DBF4B: variants seen among roughly 807,000 people sequenced by gnomAD.
DBF4B encodes DBF4B-CDC7 kinase regulatory subunit, also known as protein DBF4 homolog B.
A neutral mutation model predicts 53.4 loss-of-function variants in DBF4B; 49 were observed. The ratio of observed to expected loss-of-function variants is 0.92; its 90% CI spans 0.73 to 1.16. The LOEUF (loss-of-function observed/expected upper bound fraction) is 1.16. Ranked by LOEUF, DBF4B falls within the 50% of genes most tolerant of loss-of-function variation. The probability of loss-of-function intolerance (pLI) is 0.00; values close to 1 mark genes in which losing one functional copy is unlikely to be tolerated. For synonymous variants in DBF4B, 257 were observed against 288.7 expected (o/e 0.89, Z 1.11); for missense variants, 692 against 775.0 (o/e 0.89, Z 1.27).
In DBF4B at chr17:44,751,661, T is replaced by G. The variant is rs959146155; in HGVS notation, c.*408T>G. On this transcript the variant is annotated 3_prime_UTR_variant, in exon 14 of 14. Coordinates refer to ENST00000315005, the MANE Select transcript of DBF4B (RefSeq NM_145663.3). Reference sequence around the variant, plus strand: ...TTCAAATACTTGAAGGCTCCCACCTTCTGTTCTCTGGCTCCTTCCTGCGGT... The same window carrying G: ...TTCAAATACTTGAAGGCTCCCACCTGCTGTTCTCTGGCTCCTTCCTGCGGT... The G allele has an allele frequency of 1.1e-5, 15 of 1,392,728 alleles. No homozygotes were observed. The African/African-American group carries it at 2.0e-4, about 19-fold the overall frequency. The allele number at this position is 1,392,728 out of a possible 1,614,324, so 86.3% of individuals were successfully genotyped here. A position where few individuals can be genotyped will look rare whatever the true frequency, so the allele number is the denominator to read the frequency against.
intron 2 of DBF4B, among the ~76,000 whole-genome samples, chr17:44,713,560 G>T (rs909012004): frequency 6.6e-6 from 1 of 151,978 alleles, no homozygotes; most frequent in Non-Finnish European, 1.5e-5. Context: ...TGAGGCAGGA[G>T]AATCACTTGA....
At chr17:44,729,181 A>T (rs1020025967) in intron 3 of DBF4B, among the ~76,000 whole-genome samples, 13 of 152,036 alleles carry the variant, frequency 8.6e-5, no homozygotes, top group Non-Finnish European at 2.9e-5. Flanking sequence ...AGTGTATATA[A>T]CATAAAATAA....
chr17:44,738,194 C>T (rs1975644120), intron 8 of DBF4B, among the ~76,000 whole-genome samples, 185 bp from the exon 9 acceptor site: 1 of 152,274 alleles, frequency 6.6e-6, no homozygotes, highest in Non-Finnish European at 1.5e-5. Context: ...TGCAACCTTT[C>T]TCCCAGGGGT....
At position 44,726,292 on chromosome 17, in the gene DBF4B, T is replaced by TTTTATGTATTTATTTATTTA. The variant is rs1555676225; in HGVS notation, c.225+3275_225+3276insGTATTTATTTATTTATTTAT. Among the ~76,000 whole-genome samples the TTTTATGTATTTATTTATTTA allele has an allele frequency of 3.0e-5, 4 of 132,090 alleles. No individual in the cohort carries two copies. The South Asian group carries it at 1.0e-3, about 33-fold the overall frequency. 86.7% of individuals were successfully genotyped at this position (132,090 alleles called of 152,430 possible). Reference sequence around the variant, plus strand: ...GTGTGAGCCATCGCACCCGGCCCTTTTTTATTTATTTATTTATTTATTTAT... The same window carrying TTTTATGTATTTATTTATTTA: ...GTGTGAGCCATCGCACCCGGCCCTTTTTTATGTATTTATTTATTTATTTATTTATTTATTTATTTATTTAT... On this transcript the variant is annotated intron_variant, in intron 3 of 13. Transcript: ENST00000315005.
chr17:44,735,123 G>A (rs1442798784), intron 7 of DBF4B, among the ~76,000 whole-genome samples: 1 of 152,068 alleles, frequency 6.6e-6, no homozygotes, highest in Non-Finnish European at 1.5e-5. Context: ...AATAGTGGAT[G>A]GAGCATTCAG....
chr17:44,743,010 A>G lies in DBF4B; in HGVS notation c.830+1558A>G, dbSNP rs556151996. Reference sequence around the variant, plus strand: ...CAAAGGCTGTGGGTAAGAAAATAGTACAAATAGGAGGGAAAAAATTAAGGG... The same window carrying G: ...CAAAGGCTGTGGGTAAGAAAATAGTGCAAATAGGAGGGAAAAAATTAAGGG... On this transcript the variant is annotated intron_variant, in intron 10 of 13. Transcript: ENST00000315005. Among the ~76,000 whole-genome samples the G allele has an allele frequency of 2.3e-4, 35 of 152,340 alleles. No individual in the cohort carries two copies. The South Asian group carries it at 5.0e-3, about 22-fold the overall frequency.
chr17:44,744,442 T>C (rs1181226728), intron 10 of DBF4B, among the ~76,000 whole-genome samples: 4 of 152,150 alleles, frequency 2.6e-5, no homozygotes, highest in African/African-American at 9.6e-5. Context: ...TTCCCTTTTA[T>C]GGCTGCAGGG....
chr17:44,719,297 A>G (rs1292701972), intron 2 of DBF4B, among the ~76,000 whole-genome samples: 1 of 151,960 alleles, frequency 6.6e-6, no homozygotes, highest in East Asian at 1.9e-4. Flanking sequence ...TTTTTGAGTT[A>G]TAGTTCACAC....
chr17:44,733,463 C>T (rs1975041936), intron 6 of DBF4B, among the ~76,000 whole-genome samples: 1 of 152,250 alleles, frequency 6.6e-6, no homozygotes, highest in South Asian at 2.1e-4. Context: ...GGTTTCATAC[C>T]CAGCTCCATT....
chr17:44,750,871 CTG>C lies in DBF4B; in HGVS notation c.1468_1469del (p.Val490Ter). On this transcript the variant is annotated frameshift_variant, in exon 14 of 14. Transcript: ENST00000315005. LOFTEE classifies it low-confidence loss of function (END_TRUNC). ...AACTCCTTTGCCCCGGCGGACATTCCTGTTAAGGGCCCACTCCTCTTCCCTGA... is the reference window on the plus strand; with the variant it reads ...AACTCCTTTGCCCCGGCGGACATTCCTTAAGGGCCCACTCCTCTTCCCTGA... 6.2e-7 allele frequency: 1 copy of C among 1,614,220 alleles called. No individual in the cohort carries two copies.
intron 6 of DBF4B, among the ~76,000 whole-genome samples, chr17:44,733,164 C>CAAAA (rs34958647): frequency 2.9e-5 from 3 of 105,002 alleles, no homozygotes; most frequent in African/African-American, 6.9e-5. Flanking sequence ...GACTCCGTCT[C>CAAAA]AAAAAAAAAA....
At chr17:44,712,919 A>T (rs1568157243) in intron 2 of DBF4B, among the ~76,000 whole-genome samples, 1 of 149,812 alleles carries the variant, frequency 6.7e-6, no homozygotes, top group East Asian at 2.0e-4. Context: ...GACAATAAAG[A>T]TTTTTTCTGT....
chr17:44,719,011 GACTAGAGTGC>G (rs1973587415), intron 2 of DBF4B: 1 of 149,814 alleles, frequency 6.7e-6, no homozygotes, highest in Non-Finnish European at 1.5e-5. Flanking sequence ...TCTGTTGCCA[GACTAGAGTGC>G]AGTGGCGCGA....
At chr17:44,730,651 C>T (rs1206268410) in intron 4 of DBF4B, among the ~76,000 whole-genome samples, 3 of 152,176 alleles carry the variant, frequency 2.0e-5, no homozygotes, top group African/African-American at 4.8e-5. Flanking sequence ...CTTTCATTAT[C>T]TCCTGGAGGG....
At chr17:44,745,919 C>T (rs1341608624) in intron 10 of DBF4B, among the ~76,000 whole-genome samples, 5 of 151,932 alleles carry the variant, frequency 3.3e-5, no homozygotes, top group African/African-American at 1.2e-4. Context: ...GATAAGAATT[C>T]AGGCTTGGCC....
intron 5 of DBF4B, chr17:44,731,823 T>C (rs1434496717): frequency 4.8e-6 from 1 of 207,724 alleles, no homozygotes; most frequent in African/African-American, 2.3e-5. Flanking sequence ...TCAGTGAGGA[T>C]GATGGTCACC....
At position 44,751,806 on chromosome 17, in the gene DBF4B, A is replaced by G; in HGVS notation, c.*553A>G. The G allele has an allele frequency of 2.6e-6, 4 of 1,528,066 alleles. No individual in the cohort carries two copies. Among genetic ancestry groups the G allele is most frequent in the Non-Finnish European group, 3.5e-6 (4 of 1,142,180 alleles). The allele number at this position is 1,528,066 out of a possible 1,614,324, so 94.7% of individuals were successfully genotyped here. On this transcript the variant is annotated 3_prime_UTR_variant, in exon 14 of 14. Transcript: ENST00000315005. ...GGTCATGGACAGGCTACTGGTGACC[A>G]AAGTTGGTTCCTTTTCTCCTTTCTT...
At position 44,708,729 on chromosome 17, in the gene DBF4B, C is replaced by T; in HGVS notation, c.-92C>T. ...TGTAGCTGCCCTGAGATAACCAGGA[C>T]TGTGGAATCGGGAAGAGCTCATGGA... On this transcript the variant is annotated 5_prime_UTR_variant, in exon 1 of 14. Coordinates refer to ENST00000315005, the MANE Select transcript of DBF4B (RefSeq NM_145663.3). 6.8e-7 allele frequency: 1 copy of T among 1,465,170 alleles called. No homozygotes were observed. Among genetic ancestry groups the T allele is most frequent in the Non-Finnish European group, 9.2e-7 (1 of 1,082,138 alleles). The allele number at this position is 1,465,170 out of a possible 1,614,324, so 90.8% of individuals were successfully genotyped here. A position where few individuals can be genotyped will look rare whatever the true frequency, so the allele number is the denominator to read the frequency against.
Position 44,751,769 on chromosome 17 carries a change from C to A in DBF4B, c.*516C>A. The stretch of plus-strand genomic sequence containing the variant: ...TCTGCCTGAAGCATTCCACTAAGAT[C>A]ATCTATTCCAAGGTCATGGACAGGC... On this transcript the variant is annotated 3_prime_UTR_variant, in exon 14 of 14. Coordinates refer to ENST00000315005, the MANE Select transcript of DBF4B (RefSeq NM_145663.3). 2.0e-6 allele frequency: 3 copies of A among 1,486,746 alleles called. No homozygotes were observed. The highest frequency in any genetic ancestry group is 1.8e-6 in the Non-Finnish European group (2 of 1,120,374). 92.1% of individuals were successfully genotyped at this position (1,486,746 alleles called of 1,614,324 possible). A position where few individuals can be genotyped will look rare whatever the true frequency, so the allele number is the denominator to read the frequency against.
Sources: gnomAD v4.1 joint callset for allele counts (sites outside exome capture counted in the v4.1 genomes callset) on GRCh38, gnomAD v4.1.1 for gene constraint, MANE v1.5 for transcripts, NCBI Gene and HGNC (gene_info 2026-07-23, HGNC 2026-07-21) for gene names.